Variants in UNC79 observed in about 807,000 individuals in gnomAD.
The protein encoded by UNC79 is unc-79 subunit of NALCN channel complex.
UNC79 carries 37 observed loss-of-function variants against 283.1 expected under a neutral mutation model. That is an observed-to-expected ratio of 0.13 (90% CI 0.10 to 0.17). The LOEUF is 0.17. UNC79 is among the 10% of genes least tolerant of loss of function. The pLI is 1.00. For missense variants in UNC79, 2,272 were observed against 3,211.1 expected, an observed-to-expected ratio of 0.71 and a Z score of 7.07; for synonymous variants, 1,107 against 1,200.2, an observed-to-expected ratio of 0.92 and a Z score of 1.61.
chr14:93,524,386 A>G (rs1477052518), intron 8 of UNC79, among the ~76,000 whole-genome samples: 1 of 152,228 alleles, frequency 6.6e-6, no homozygotes, highest in African/African-American at 2.4e-5. Flanking sequence ...TTTCATGTGT[A>G]TGCTACAAAT....
chr14:93,660,563 A>ATATATATG (rs1203621990), intron 39 of UNC79, among the ~76,000 whole-genome samples: 60 of 64,732 alleles, frequency 9.3e-4, no homozygotes, highest in East Asian at 1.6e-3. Flanking sequence ...ATATATATAT[A>ATATATATG]TGTGTGTGTG....
At position 93,559,437 on chromosome 14, in the gene UNC79, G is replaced by A. The variant is rs8015150; in HGVS notation, c.1756-12457G>A. On this transcript the variant is annotated intron_variant, in intron 14 of 48. Coordinates refer to ENST00000555664, the Ensembl canonical transcript of UNC79. ...AGACCACCAAACAGGCTTTGTGTGA[G>A]CACTAAAGCTTTTTAATCACCTGGG... Among the ~76,000 whole-genome samples, 633 of 152,342 alleles carry A rather than the reference G, an allele frequency of 4.2e-3. 3 individuals carry two copies. The highest frequency in any genetic ancestry group is 0.015 in the African/African-American group (607 of 41,580).
chr14:93,407,526 C>T lies in UNC79; in HGVS notation c.-350-60145C>T, dbSNP rs183188603. ...AAGTGCTGAGAAAAATCTCATGCCTCTGGCAGGGGAGAGGAAAATACATCT... is the reference window on the plus strand; with the variant it reads ...AAGTGCTGAGAAAAATCTCATGCCTTTGGCAGGGGAGAGGAAAATACATCT... On this transcript the variant is annotated intron_variant, in intron 1 of 49. Coordinates refer to the UNC79 transcript ENST00000256339. Among the ~76,000 whole-genome samples the T allele has an allele frequency of 2.7e-3, 411 of 152,274 alleles. 1 individual carries two copies. The highest frequency in any genetic ancestry group is 9.3e-3 in the African/African-American group (386 of 41,550).
chr14:93,479,962 A>AGGAATT (rs2058040643), intron 4 of UNC79, among the ~76,000 whole-genome samples: 1 of 152,234 alleles, frequency 6.6e-6, no homozygotes, highest in Non-Finnish European at 1.5e-5. Flanking sequence ...CTAATTCACT[A>AGGAATT]AATCCCTCCT....
intron 1 of UNC79, among the ~76,000 whole-genome samples, chr14:93,368,283 A>G (rs2054373208): frequency 6.6e-6 from 1 of 152,222 alleles, no homozygotes; most frequent in Admixed American, 6.5e-5. Context: ...AACAAGTTAA[A>G]TTCACCTATT....
chr14:93,504,932 TTTC>T, intron 7 of UNC79, among the ~76,000 whole-genome samples: 1 of 152,056 alleles, frequency 6.6e-6, no homozygotes, highest in Non-Finnish European at 1.5e-5. Context: ...TGCTTCATGG[TTTC>T]TTCTTTGACC....
Position 93,491,655 on chromosome 14 carries a change from A to G in UNC79, c.712+3900A>G, listed in dbSNP as rs2058731124. ...CTGCTGTGAAGATTTAATGGGTTAC[A>G]TATATGTAAAGTGCTTACTTTAGTG... is the stretch of plus-strand genomic sequence containing the variant. On this transcript the variant is annotated intron_variant, in intron 5 of 48. Transcript: ENST00000555664. Among the ~76,000 whole-genome samples, 4 of 152,330 alleles carry G rather than the reference A, an allele frequency of 2.6e-5. No homozygotes were observed. The South Asian group carries it at 8.3e-4, about 32-fold the overall frequency.
At chr14:93,618,117 T>C (rs1357032510) in intron 28 of UNC79, 75 bp from the exon 30 acceptor site, 2 of 1,491,722 alleles carry the variant, frequency 1.3e-6, no homozygotes, top group African/African-American at 2.8e-5. Context: ...GCAAAAAGTA[T>C]CCAGCAAGAT....
At position 93,347,250 on chromosome 14, in the gene UNC79, T is replaced by C. The variant is rs1168961212; in HGVS notation, c.-351+13727T>C. The stretch of plus-strand genomic sequence containing the variant: ...TCACCTGTGCTGTCCACGCCTGGCT[T>C]TGTCTCACCTGACGCGATATGCCTC... On this transcript the variant is annotated intron_variant, in intron 1 of 49. Coordinates refer to the UNC79 transcript ENST00000256339. 1.1e-5 allele frequency: 18 copies of C among 1,589,560 alleles called. No homozygotes were observed. In the South Asian group the frequency reaches 1.7e-4, roughly 15 times the overall value.
Position 93,474,122 on chromosome 14 carries a change from A to G in UNC79, c.177A>G (p.Gln59=). The G allele has an allele frequency of 1.3e-6, 2 of 1,535,966 alleles. No homozygotes were observed. Among genetic ancestry groups the G allele is most frequent in the South Asian group, 1.2e-5 (1 of 84,046 alleles). ...CCCGCACAGGGAAGAAGGAAAACCAAGATGCCTCCAATTTGACAGTGCCCA... is the reference window on the plus strand; with the variant it reads ...CCCGCACAGGGAAGAAGGAAAACCAGGATGCCTCCAATTTGACAGTGCCCA... Residue 59 remains glutamine (Q), a synonymous_variant, in exon 3 of 49, where the codon CAA becomes CAG. Transcript: ENST00000555664. This position sits in a 1 kb window ranked among gnomAD's most constrained non-coding sequence, Gnocchi z 4.1.
At chr14:93,655,118 G>C in intron 37 of UNC79, 116 bp from the exon 41 acceptor site, 1 of 1,122,786 alleles carries the variant, frequency 8.9e-7, no homozygotes, top group Non-Finnish European at 1.3e-6. Flanking sequence ...CTATGTAGTA[G>C]GCACTGAACA....
At chr14:93,418,832 C>T (rs1293418260) in intron 1 of UNC79, among the ~76,000 whole-genome samples, 5 of 151,750 alleles carry the variant, frequency 3.3e-5, no homozygotes, top group South Asian at 2.1e-4. Flanking sequence ...AAGCCAGGTG[C>T]GCAATATAAT....
chr14:93,589,558 T>C (rs1350478043), intron 22 of UNC79, among the ~76,000 whole-genome samples: 1 of 152,090 alleles, frequency 6.6e-6, no homozygotes, highest in Non-Finnish European at 1.5e-5. Flanking sequence ...CTTGATCCAC[T>C]GATGGCATCT....
chr14:93,673,773 G>T (rs1027729998), intron 41 of UNC79, among the ~76,000 whole-genome samples: 1 of 152,116 alleles, frequency 6.6e-6, no homozygotes, highest in African/African-American at 2.4e-5. Context: ...AGTCACCAGA[G>T]CTGAGACAGG....
chr14:93,556,238 C>T (rs1238804828), intron 14 of UNC79, among the ~76,000 whole-genome samples: 1 of 152,086 alleles, frequency 6.6e-6, no homozygotes, highest in African/African-American at 2.4e-5. Flanking sequence ...CATTTCATAC[C>T]TTCTAGTTGC....
intron 20 of UNC79, among the ~76,000 whole-genome samples, chr14:93,585,427 A>G (rs940851299): frequency 1.3e-5 from 2 of 152,116 alleles, no homozygotes; most frequent in Non-Finnish European, 2.9e-5. Flanking sequence ...GCCTGGCCCT[A>G]TTTCTTATCA....
intron 1 of UNC79, among the ~76,000 whole-genome samples, chr14:93,385,063 C>G (rs972827083): frequency 2.0e-5 from 3 of 152,190 alleles, no homozygotes; most frequent in African/African-American, 7.2e-5. Flanking sequence ...ATGCCAGTAC[C>G]ATGCCACTTT....
At chr14:93,381,169 A>T (rs947700137) in intron 1 of UNC79, among the ~76,000 whole-genome samples, 2 of 152,228 alleles carry the variant, frequency 1.3e-5, no homozygotes, top group Non-Finnish European at 2.9e-5. Context: ...GAGATGGAAG[A>T]TCATGAAGCA....
intron 1 of UNC79, among the ~76,000 whole-genome samples, chr14:93,344,617 G>T (rs974070746): frequency 6.6e-6 from 1 of 152,212 alleles, no homozygotes; most frequent in African/African-American, 2.4e-5. Flanking sequence ...CTGGGTCCCA[G>T]CCCTCTCTTT....
Sources: gnomAD v4.1 joint callset for allele counts (sites outside exome capture counted in the v4.1 genomes callset) on GRCh38, gnomAD v4.1.1 for gene constraint, Gnocchi (gnomAD v3.1) non-coding constraint, MANE v1.5 for transcripts, NCBI Gene and HGNC (gene_info 2026-07-23, HGNC 2026-07-21) for gene names.